SYT3: variants seen among roughly 807,000 people sequenced by gnomAD.
SYT3 encodes synaptotagmin-3.
A neutral mutation model predicts 50.6 loss-of-function variants in SYT3; 25 were observed. The ratio of observed to expected loss-of-function variants is 0.49; its 90% CI spans 0.36 to 0.69. The LOEUF (loss-of-function observed/expected upper bound fraction) is 0.69. SYT3 is among the 30% of genes least tolerant of loss of function. The probability of loss-of-function intolerance (pLI) is 0.00; values close to 1 mark genes in which losing one functional copy is unlikely to be tolerated. For missense variants in SYT3, 589 were observed against 793.6 expected, an observed-to-expected ratio of 0.74 and a Z score of 3.10; for synonymous variants, 323 against 353.9, an observed-to-expected ratio of 0.91 and a Z score of 0.98.
intron 6 of SYT3, among the ~76,000 whole-genome samples, chr19:50,628,255 A>C (rs1036263391): frequency 5.9e-5 from 9 of 152,032 alleles, no homozygotes; most frequent in African/African-American, 2.2e-4. Context: ...AGAGTTGAGG[A>C]TCTGAGATTT....
At chr19:50,646,904 C>A in the SYT3 span, among the ~76,000 whole-genome samples, 1 of 152,012 alleles carries the variant, frequency 6.6e-6, no homozygotes. Context: ...GATCTCGGCT[C>A]ACTGCAAGCT....
chr19:50,633,540 G>C (rs1362071247), intron 3 of SYT3, among the ~76,000 whole-genome samples: 1 of 152,178 alleles, frequency 6.6e-6, no homozygotes, highest in Non-Finnish European at 1.5e-5. Flanking sequence ...AGTTAGGCAG[G>C]GCAGGGTTTA....
chr19:50,626,887 G>A (rs113151914), intron 6 of SYT3, among the ~76,000 whole-genome samples: 6,267 of 151,942 alleles, frequency 0.041, 197 homozygotes, highest in African/African-American at 0.083. Context: ...TAGAGTGGAG[G>A]GGCAGAGACC....
At chr19:50,643,305 T>A (rs1425313310), upstream of SYT3, among the ~76,000 whole-genome samples, 1 of 151,750 alleles carries the variant, frequency 6.6e-6, no homozygotes, top group East Asian at 1.9e-4. Flanking sequence ...GCCCCAGAAG[T>A]CGAGGCTGTG....
chr19:50,631,178 T>G (rs1406862301), intron 4 of SYT3, among the ~76,000 whole-genome samples: 5 of 118,798 alleles, frequency 4.2e-5, no homozygotes, highest in Non-Finnish European at 7.2e-5. Context: ...TTTTTTTTTT[T>G]TTTTTTTGAG....
At chr19:50,638,602 G>A (rs1048263152) in intron 2 of SYT3, among the ~76,000 whole-genome samples, 4 of 152,154 alleles carry the variant, frequency 2.6e-5, no homozygotes, top group Non-Finnish European at 1.5e-5. Context: ...GAACCGAGAT[G>A]TAATTAATTC....
At position 50,632,359 on chromosome 19, in the gene SYT3, G is replaced by T; in HGVS notation, c.601C>A (p.Leu201Met). 2.5e-6 allele frequency: 4 copies of T among 1,609,566 alleles called. No individual in the cohort carries two copies. The highest frequency in any genetic ancestry group is 3.4e-6 in the Non-Finnish European group (4 of 1,176,484). ...GGCAAGCCCCCACCACTGGGGGGCA[G>T]CAGGAGCAACCCAGAGCCTGCTCCC... The part of the protein sequence containing the change: ...EGGAGSGLLL[L>M]PPSGGGLPSA... The change falls in exon 4 of 11, where the codon CTG becomes ATG. Residue 201 changes from leucine to methionine, a missense_variant. Coordinates refer to ENST00000600079, the MANE Select transcript of SYT3 (RefSeq NM_001160329.2). The surrounding 1 kb of genome is among the most constrained non-coding windows in gnomAD (Gnocchi z 4.7).
At chr19:50,641,828 C>A (rs528464393), upstream of SYT3, among the ~76,000 whole-genome samples, 1 of 151,246 alleles carries the variant, frequency 6.6e-6, no homozygotes, top group African/African-American at 2.4e-5. Context: ...CCAGCCTGGG[C>A]GACAGAGTGA....
At chr19:50,641,332 A>G (rs1469034658), upstream of SYT3, among the ~76,000 whole-genome samples, 2 of 150,642 alleles carry the variant, frequency 1.3e-5, no homozygotes, top group East Asian at 4.0e-4. Context: ...GGCGCCTGCC[A>G]CCGTGCCCGG....
At chr19:50,633,721 C>A (rs551975768) in intron 3 of SYT3, among the ~76,000 whole-genome samples, 1 of 152,308 alleles carries the variant, frequency 6.6e-6, no homozygotes, top group African/African-American at 2.4e-5. Context: ...GGGGTGATTA[C>A]ATACCAAATA....
rs776841943 is a variant in SYT3, at chr19:50,632,606, C to T, written c.354G>A (p.Ala118=). 9.2e-5 allele frequency: 145 copies of T among 1,577,530 alleles called. No homozygotes were observed. The highest frequency in any genetic ancestry group is 1.1e-4 in the Non-Finnish European group (131 of 1,161,860). The change falls in exon 4 of 11, where the codon GCG becomes GCA. Residue 118 remains alanine (A), a synonymous_variant. Transcript: ENST00000600079. The surrounding 1 kb of genome is among the most constrained non-coding windows in gnomAD (Gnocchi z 4.7). The stretch of plus-strand genomic sequence containing the variant: ...GCAGAGGATGGCCACCCAGGCCAGC[C>T]GCCAGGTGGTGCCCGCCTCCGCCTA... ...GLVGGGGHHL[A]AGLGGHPLLG... is the part of the protein sequence containing the mutation.
At position 50,625,963 on chromosome 19, in the gene SYT3, C is replaced by A; in HGVS notation, c.1336G>T (p.Gly446Trp). The change falls in exon 7 of 11, where the codon GGG (glycine) becomes TGG (tryptophan). Residue 446 changes from glycine to tryptophan, a missense_variant. By Grantham distance (184) the Gly-to-Trp change is radical. Coordinates refer to ENST00000600079, the MANE Select transcript of SYT3 (RefSeq NM_001160329.2). The surrounding 1 kb of genome is among the most constrained non-coding windows in gnomAD (Gnocchi z 7.5). ...TTGATGATGGTCACGGTGAGGCGCC[C>A]GGCCGTGGGGAGGTAGCAGAGTGAG... ...NFSLCYLPTA[G>W]RLTVTIIKAS... The A allele has an allele frequency of 6.2e-7, 1 of 1,614,076 alleles. No individual in the cohort carries two copies. Among genetic ancestry groups the A allele is most frequent in the Non-Finnish European group, 8.5e-7 (1 of 1,179,996 alleles).
At chr19:50,650,752 T>G in the SYT3 span, among the ~76,000 whole-genome samples, 4 of 152,196 alleles carry the variant, frequency 2.6e-5, no homozygotes, top group Non-Finnish European at 4.4e-5. Context: ...GCTCAAGTGA[T>G]CCTCCCACCT....
Position 50,622,427 on chromosome 19 carries a change from C to A in SYT3, c.*58G>T, listed in dbSNP as rs1983884899. The A allele has an allele frequency of 1.0e-5, 3 of 287,372 alleles. No individual in the cohort carries two copies. The highest frequency in any genetic ancestry group is 2.0e-5 in the Non-Finnish European group (3 of 147,358). The allele number at this position is 287,372 out of a possible 1,614,324, so 17.8% of individuals were successfully genotyped here. ...CAAGGAGATGAATTCACGGTCCGGG[C>A]AGGAAAGGATGGGGTCCTGAGGGAG... On this transcript the variant is annotated 3_prime_UTR_variant, in exon 11 of 11. Transcript: ENST00000600079.
At chr19:50,623,693 T>C (rs1413677170) in intron 9 of SYT3, among the ~76,000 whole-genome samples, 4 of 146,464 alleles carry the variant, frequency 2.7e-5, no homozygotes, top group Non-Finnish European at 6.0e-5. Flanking sequence ...TCCCAGCTAC[T>C]TGGGAGGCTG....
chr19:50,654,433 G>T, the SYT3 span, among the ~76,000 whole-genome samples: 14 of 152,162 alleles, frequency 9.2e-5, no homozygotes, highest in South Asian at 2.9e-3. Context: ...CTCCCGAGTA[G>T]CTGGGACTAC....
At chr19:50,641,355 G>A (rs113753678), upstream of SYT3, among the ~76,000 whole-genome samples, 17,513 of 149,750 alleles carry the variant, frequency 0.12, 1,215 homozygotes, top group South Asian at 0.17. Context: ...AATTTTTTTT[G>A]TATTTTTAGT....
the SYT3 span, among the ~76,000 whole-genome samples, chr19:50,653,288 T>A: frequency 6.6e-6 from 1 of 152,062 alleles, no homozygotes; most frequent in African/African-American, 2.4e-5. Flanking sequence ...ATCTGCCCAC[T>A]TTGGCATCCC....
the SYT3 span, among the ~76,000 whole-genome samples, chr19:50,652,084 A>G: frequency 6.6e-6 from 1 of 152,164 alleles, no homozygotes; most frequent in Non-Finnish European, 1.5e-5. Flanking sequence ...CCTGGGCTCA[A>G]GCGATCCTCC....
Sources: allele counts gnomAD v4.1 joint callset (sites outside exome capture counted in the v4.1 genomes callset), GRCh38; gene constraint gnomAD v4.1.1; non-coding constraint Gnocchi (gnomAD v3.1); transcripts MANE v1.5; gene names NCBI Gene and HGNC (gene_info 2026-07-23, HGNC 2026-07-21).